RNF216: variants seen among roughly 807,000 people sequenced by gnomAD.
RNF216 encodes the protein ring finger protein 216, also known as E3 ubiquitin-protein ligase RNF216.
A neutral mutation model predicts 110.8 loss-of-function variants in RNF216; 72 were observed. The ratio of observed to expected loss-of-function variants is 0.65; its 90% CI spans 0.54 to 0.79. The LOEUF is 0.79. Ranked by LOEUF, RNF216 falls within the 30% of genes least tolerant of loss-of-function variation. RNF216 has a pLI of 0.00. For synonymous variants in RNF216, 495 were observed against 407.5 expected (o/e 1.21, Z -2.59); for missense variants, 1,342 against 1,141.2 (o/e 1.18, Z -2.54).
At chr7:5,704,208 C>T (rs981354807) in intron 13 of RNF216, among the ~76,000 whole-genome samples, 14 of 152,232 alleles carry the variant, frequency 9.2e-5, no homozygotes, top group Admixed American at 7.9e-4. Flanking sequence ...CTCCAGAGGC[C>T]GTCTTATATT....
intron 13 of RNF216, among the ~76,000 whole-genome samples, chr7:5,689,938 A>C (rs10250638): frequency 0.074 from 11,133 of 151,208 alleles, 458 homozygotes; most frequent in African/African-American, 0.087. Flanking sequence ...CTCAAACAAA[A>C]AAAAAAAAAG....
chr7:5,710,177 T>C (rs867032806), intron 13 of RNF216, among the ~76,000 whole-genome samples: 1 of 152,134 alleles, frequency 6.6e-6, no homozygotes, highest in Non-Finnish European at 1.5e-5. Flanking sequence ...CTGGCCAACA[T>C]GGTGAAACCT....
chr7:5,638,909 T>C (rs771234199), intron 15 of RNF216, among the ~76,000 whole-genome samples: 12 of 152,170 alleles, frequency 7.9e-5, no homozygotes, highest in Non-Finnish European at 1.8e-4. Context: ...CTTACAGACA[T>C]GAGCCACTGC....
intron 13 of RNF216, among the ~76,000 whole-genome samples, chr7:5,656,673 T>C (rs1265638526): frequency 6.6e-6 from 1 of 152,260 alleles, no homozygotes; most frequent in African/African-American, 2.4e-5. Context: ...CCTTTTGTCC[T>C]CAAAATACAT....
chr7:5,766,229 G>A (rs1796201429), intron 1 of RNF216, among the ~76,000 whole-genome samples: 1 of 152,118 alleles, frequency 6.6e-6, no homozygotes, highest in Non-Finnish European at 1.5e-5. Flanking sequence ...GTTTGATGTT[G>A]CAGTGAGCCA....
chr7:5,666,402 T>C (rs1419646376), intron 13 of RNF216, among the ~76,000 whole-genome samples: 1 of 152,078 alleles, frequency 6.6e-6, no homozygotes, highest in Non-Finnish European at 1.5e-5. Context: ...AAGTGAAGAC[T>C]TAAGAAAGGC....
At chr7:5,756,345 A>G (rs1299632023) in intron 2 of RNF216, among the ~76,000 whole-genome samples, 1 of 152,218 alleles carries the variant, frequency 6.6e-6, no homozygotes, top group Non-Finnish European at 1.5e-5. Context: ...AAGCAGACTA[A>G]TACAGTTGCT....
intron 1 of RNF216, among the ~76,000 whole-genome samples, chr7:5,762,454 G>A (rs1270946979): frequency 6.6e-6 from 1 of 151,842 alleles, no homozygotes; most frequent in African/African-American, 2.4e-5. Context: ...TCAGGAGATT[G>A]AGACCATCCT....
At chr7:5,733,349 A>C (rs181536210) in intron 5 of RNF216, among the ~76,000 whole-genome samples, 1 of 152,222 alleles carries the variant, frequency 6.6e-6, no homozygotes, top group Non-Finnish European at 1.5e-5. Flanking sequence ...GTCCCTAAAA[A>C]TAAGTACACG....
Position 5,721,056 on chromosome 7 carries a change from G to C in RNF216, c.1621C>G (p.Gln541Glu), listed in dbSNP as rs374254730. The C allele has an allele frequency of 1.5e-5, 25 of 1,614,050 alleles. No homozygotes were observed. Among genetic ancestry groups the C allele is most frequent in the East Asian group, 8.9e-5 (4 of 44,902 alleles). The part of the protein sequence containing the change: ...AVQQEQEFYE[Q>E]KIKEMAEHED... ...ACCTCTGCCATCTCTTTGATTTTCT[G>C]CTCATAGAACTCCTGCTCTTGTTGC... is the stretch of plus-strand genomic sequence containing the variant. Residue 541 changes from glutamine to glutamate, a missense_variant, in exon 9 of 17, where the codon CAG becomes GAG. Gln to Glu is a conservative substitution (Grantham distance 29, BLOSUM62 2). Transcript: ENST00000389902.
At chr7:5,742,063 T>C (rs796616135) in intron 3 of RNF216, among the ~76,000 whole-genome samples, 17 of 152,322 alleles carry the variant, frequency 1.1e-4, no homozygotes, top group African/African-American at 4.1e-4. Flanking sequence ...ATTTTTATTT[T>C]TGAGACACAG....
At chr7:5,773,556 A>G (rs1796613214) in intron 1 of RNF216, among the ~76,000 whole-genome samples, 3 of 151,376 alleles carry the variant, frequency 2.0e-5, no homozygotes, top group Non-Finnish European at 1.5e-5. Flanking sequence ...TTTAAAAAGT[A>G]TTTTGAACAC....
chr7:5,768,348 C>CACACAT (rs1023345139), intron 1 of RNF216, among the ~76,000 whole-genome samples: 2 of 111,920 alleles, frequency 1.8e-5, no homozygotes, highest in African/African-American at 9.8e-5. Context: ...CAGGCAAATA[C>CACACAT]ACACACACAC....
chr7:5,628,021 G>A (rs1460748589), intron 15 of RNF216, among the ~76,000 whole-genome samples: 2 of 152,186 alleles, frequency 1.3e-5, no homozygotes, highest in East Asian at 1.9e-4. Flanking sequence ...ATACAGATCG[G>A]CGGGGTCTGG....
intron 13 of RNF216, among the ~76,000 whole-genome samples, chr7:5,705,996 G>A (rs1221693396): frequency 1.3e-5 from 2 of 151,626 alleles, no homozygotes; most frequent in Non-Finnish European, 2.9e-5. Flanking sequence ...AGCAGGTGGA[G>A]GATTACGAGG....
intron 11 of RNF216, 34 bp downstream of exon 11, chr7:5,715,019 C>A: frequency 1.3e-6 from 2 of 1,586,402 alleles, no homozygotes; most frequent in Non-Finnish European, 1.7e-6. Context: ...AGGAATGTGT[C>A]CTATATACAT....
intron 10 of RNF216, among the ~76,000 whole-genome samples, chr7:5,716,370 C>T (rs918031968): frequency 7.2e-5 from 11 of 151,996 alleles, no homozygotes; most frequent in Non-Finnish European, 1.3e-4. Flanking sequence ...ATTAGCTGGG[C>T]ATTTTTTTTA....
intron 6 of RNF216, among the ~76,000 whole-genome samples, chr7:5,730,262 C>G (rs1478662457): frequency 6.6e-6 from 1 of 152,088 alleles, no homozygotes; most frequent in Non-Finnish European, 1.5e-5. Flanking sequence ...GATGGACAGA[C>G]AGAGGACATA....
chr7:5,710,746 C>T (rs1420505678), intron 13 of RNF216, among the ~76,000 whole-genome samples: 4 of 152,202 alleles, frequency 2.6e-5, no homozygotes, highest in Admixed American at 1.3e-4. Context: ...CACTCCCACC[C>T]TTTCCATCCT....
Sources: allele counts gnomAD v4.1 joint callset (sites outside exome capture counted in the v4.1 genomes callset), GRCh38; gene constraint gnomAD v4.1.1; transcripts MANE v1.5; gene names NCBI Gene and HGNC (gene_info 2026-07-23, HGNC 2026-07-21).